Variants in NAALADL2 observed in about 807,000 individuals in gnomAD.
NAALADL2 encodes the protein N-acetylated alpha-linked acidic dipeptidase like 2.
NAALADL2 carries 76 observed loss-of-function variants against 87.2 expected under a neutral mutation model. That is an observed-to-expected ratio of 0.87 (90% CI 0.72 to 1.05). The LOEUF is 1.05. Among genes scored for constraint, NAALADL2 ranks in the 50% least tolerant of loss-of-function variants. NAALADL2 has a pLI of 0.00. For missense variants in NAALADL2, 1,089 were observed against 945.8 expected, an observed-to-expected ratio of 1.15 and a Z score of -1.99; for synonymous variants, 354 against 331.0, an observed-to-expected ratio of 1.07 and a Z score of -0.75.
intron 2 of NAALADL2, among the ~76,000 whole-genome samples, chr3:175,183,805 G>A (rs965428977): frequency 1.2e-4 from 18 of 152,160 alleles, no homozygotes; most frequent in Admixed American, 9.2e-4. Context: ...TCCAAGCTAA[G>A]AAGCTTCCTA....
At chr3:175,018,188 G>A (rs777465814) in intron 1 of NAALADL2, among the ~76,000 whole-genome samples, 5 of 151,936 alleles carry the variant, frequency 3.3e-5, no homozygotes, top group Non-Finnish European at 7.4e-5. Flanking sequence ...CATGTTCACG[G>A]CTCTTATATC....
intron 5 of NAALADL2, among the ~76,000 whole-genome samples, chr3:175,358,571 T>A (rs755133973): frequency 1.3e-5 from 2 of 152,038 alleles, no homozygotes; most frequent in African/African-American, 4.8e-5. Context: ...TTTTAACCTA[T>A]GAAAGTGACA....
chr3:175,017,964 TG>T (rs1751069867), intron 1 of NAALADL2, among the ~76,000 whole-genome samples: 1 of 152,026 alleles, frequency 6.6e-6, no homozygotes, highest in South Asian at 2.1e-4. Flanking sequence ...GGCAAGCATA[TG>T]AAAGGTGGTG....
At chr3:174,517,373 T>G (rs116548212) in intron 1 of NAALADL2, among the ~76,000 whole-genome samples, 1,958 of 152,184 alleles carry the variant, frequency 0.013, 36 homozygotes, top group African/African-American at 0.046. Flanking sequence ...TTCATATCCT[T>G]GGAATTATAT....
intron 9 of NAALADL2, among the ~76,000 whole-genome samples, chr3:175,502,380 A>G (rs1729677048): frequency 6.6e-6 from 1 of 152,086 alleles, no homozygotes; most frequent in Admixed American, 6.6e-5. Context: ...AAAGAACAAA[A>G]AGCCTGACAC....
intron 2 of NAALADL2, among the ~76,000 whole-genome samples, chr3:175,196,147 C>A (rs1204815181): frequency 1.3e-5 from 2 of 151,866 alleles, no homozygotes; most frequent in Non-Finnish European, 2.9e-5. Flanking sequence ...TCTCATTGTC[C>A]AGGCCATCTT....
At chr3:175,547,131 A>G (rs1010175380) in intron 9 of NAALADL2, among the ~76,000 whole-genome samples, 1 of 152,130 alleles carries the variant, frequency 6.6e-6, no homozygotes, top group Non-Finnish European at 1.5e-5. Context: ...AGCAAAAAGA[A>G]CAAAGCTGGA....
chr3:174,742,341 G>A (rs1467370024), intron 3 of NAALADL2, among the ~76,000 whole-genome samples: 1 of 151,480 alleles, frequency 6.6e-6, no homozygotes, highest in Non-Finnish European at 1.5e-5. Context: ...GTATATAACT[G>A]GCAATAAAAG....
intron 1 of NAALADL2, among the ~76,000 whole-genome samples, chr3:174,518,912 A>C (rs1720094356): frequency 6.6e-6 from 1 of 152,172 alleles, no homozygotes; most frequent in Non-Finnish European, 1.5e-5. Context: ...ATCTCTTTGT[A>C]TTCTGCATTT....
chr3:175,527,327 AC>A (rs1441741961), intron 9 of NAALADL2, among the ~76,000 whole-genome samples: 1 of 152,208 alleles, frequency 6.6e-6, no homozygotes, highest in Non-Finnish European at 1.5e-5. Context: ...TAGTAAAGTT[AC>A]CTATAATTAT....
At chr3:174,564,824 G>A (rs909478573) in intron 2 of NAALADL2, among the ~76,000 whole-genome samples, 1 of 151,238 alleles carries the variant, frequency 6.6e-6, no homozygotes, top group East Asian at 1.9e-4. Context: ...TTTGGTTTGT[G>A]TTTGCTTTAT....
At chr3:175,537,129 A>C (rs1734929532) in intron 9 of NAALADL2, among the ~76,000 whole-genome samples, 1 of 152,214 alleles carries the variant, frequency 6.6e-6, no homozygotes, top group African/African-American at 2.4e-5. Flanking sequence ...AGAAGAAGAA[A>C]CTGAGGCTCA....
chr3:174,784,841 T>C (rs936227528), intron 3 of NAALADL2, among the ~76,000 whole-genome samples: 5 of 152,208 alleles, frequency 3.3e-5, no homozygotes. Flanking sequence ...AGGCAGTTGT[T>C]CAATTGTTTA....
At chr3:175,085,455 T>C (rs530791255) in intron 1 of NAALADL2, among the ~76,000 whole-genome samples, 2 of 152,274 alleles carry the variant, frequency 1.3e-5, no homozygotes, top group African/African-American at 2.4e-5. Context: ...GTTATGCTCC[T>C]TTTTTCTGCA....
chr3:175,449,554 C>G (rs768290243), intron 6 of NAALADL2, among the ~76,000 whole-genome samples: 1 of 151,986 alleles, frequency 6.6e-6, no homozygotes, highest in East Asian at 1.9e-4. Context: ...CCACCAAGCC[C>G]GGCTAATTTT....
chr3:174,578,705 G>A (rs1162122719), intron 2 of NAALADL2, among the ~76,000 whole-genome samples: 1 of 151,806 alleles, frequency 6.6e-6, no homozygotes, highest in African/African-American at 2.4e-5. Flanking sequence ...TGGTACCTGT[G>A]CAAGTAATTA....
intron 3 of NAALADL2, among the ~76,000 whole-genome samples, chr3:175,256,070 A>C (rs997748052): frequency 5.3e-5 from 8 of 152,256 alleles, no homozygotes; most frequent in African/African-American, 1.9e-4. Context: ...TAAGGAAATT[A>C]ATCTTTCAAT....
At chr3:175,476,489 G>A (rs1201315644) in intron 9 of NAALADL2, among the ~76,000 whole-genome samples, 1 of 152,150 alleles carries the variant, frequency 6.6e-6, no homozygotes, top group African/African-American at 2.4e-5. Context: ...TTATATGACA[G>A]TGGCAAAAAA....
intron 3 of NAALADL2, among the ~76,000 whole-genome samples, chr3:174,820,630 GAA>G (rs1457960320): frequency 6.6e-6 from 1 of 151,990 alleles, no homozygotes; most frequent in African/African-American, 2.4e-5. Flanking sequence ...TATAATTAAT[GAA>G]AAGCAAATTT....
Sources: gnomAD v4.1 joint callset for allele counts (sites outside exome capture counted in the v4.1 genomes callset) on GRCh38, gnomAD v4.1.1 for gene constraint, MANE v1.5 for transcripts, NCBI Gene and HGNC (gene_info 2026-07-23, HGNC 2026-07-21) for gene names.